Variants in DLGAP1 observed in about 807,000 individuals in gnomAD.
DLGAP1 encodes the protein disks large-associated protein 1.
In DLGAP1, 11 loss-of-function variants were observed where a neutral mutation model predicts 90.8. The ratio of observed to expected loss-of-function variants is 0.12; its 90% CI spans 0.08 to 0.20. The LOEUF is 0.20. Ranked by LOEUF, DLGAP1 falls within the 10% of genes least tolerant of loss-of-function variation. The pLI is 1.00. For synonymous variants in DLGAP1, 558 were observed against 540.7 expected (o/e 1.03, Z -0.44); for missense variants, 1,050 against 1,333.8 (o/e 0.79, Z 3.31).
intron 3 of DLGAP1, among the ~76,000 whole-genome samples, chr18:3,979,488 C>T (rs1599259798): frequency 1.3e-5 from 2 of 152,194 alleles, no homozygotes; most frequent in South Asian, 2.1e-4. Flanking sequence ...TATTAACTCA[C>T]GTGGATTTTT....
chr18:4,407,118 C>G (rs1222522968), intron 1 of DLGAP1, among the ~76,000 whole-genome samples: 3 of 152,020 alleles, frequency 2.0e-5, no homozygotes, highest in South Asian at 4.1e-4. Flanking sequence ...AGCCACAAAA[C>G]AATAACAGTT....
chr18:3,665,749 A>T (rs960710925), intron 7 of DLGAP1, among the ~76,000 whole-genome samples: 1 of 152,206 alleles, frequency 6.6e-6, no homozygotes, highest in Non-Finnish European at 1.5e-5. Flanking sequence ...TGGCAGGGCT[A>T]ATATGTCGAC....
intron 3 of DLGAP1, among the ~76,000 whole-genome samples, chr18:3,954,032 A>AAT: frequency 6.6e-6 from 1 of 152,370 alleles, no homozygotes; most frequent in Middle Eastern, 3.4e-3. Context: ...TGTTATAAGG[A>AAT]ATATTTCATC....
At chr18:4,015,266 A>C (rs1206785890) in intron 2 of DLGAP1, among the ~76,000 whole-genome samples, 1 of 152,164 alleles carries the variant, frequency 6.6e-6, no homozygotes, top group Non-Finnish European at 1.5e-5. Context: ...CATGATGAAA[A>C]ATAGGCTTCA....
At chr18:3,743,719 T>C (rs2063154613) in intron 5 of DLGAP1, among the ~76,000 whole-genome samples, 1 of 152,138 alleles carries the variant, frequency 6.6e-6, no homozygotes, top group African/African-American at 2.4e-5. Flanking sequence ...GGCATGATCT[T>C]GGCTCACTGC....
chr18:3,520,157 A>C (rs185091729), intron 10 of DLGAP1, among the ~76,000 whole-genome samples: 3 of 152,110 alleles, frequency 2.0e-5, no homozygotes, highest in Admixed American at 6.5e-5. Context: ...CCAATTCCCT[A>C]AACCTTTCTG....
chr18:4,447,260 AGAT>A (rs775697917), intron 1 of DLGAP1, among the ~76,000 whole-genome samples: 28,932 of 152,064 alleles, frequency 0.19, 2,920 homozygotes, highest in East Asian at 0.46. Flanking sequence ...CCATCAACAA[AGAT>A]TGATACCTTT....
At chr18:4,040,019 C>T (rs1046651652) in intron 2 of DLGAP1, among the ~76,000 whole-genome samples, 4 of 152,294 alleles carry the variant, frequency 2.6e-5, no homozygotes, top group African/African-American at 9.6e-5. Context: ...ATAGAACAGC[C>T]TTCTATTCAA....
At chr18:3,976,103 T>G (rs1464414507) in intron 3 of DLGAP1, among the ~76,000 whole-genome samples, 1 of 151,834 alleles carries the variant, frequency 6.6e-6, no homozygotes, top group African/African-American at 2.4e-5. Flanking sequence ...TCCCAGCACT[T>G]TGAGAGGCTG....
At chr18:4,386,348 A>T (rs2082230193) in intron 1 of DLGAP1, among the ~76,000 whole-genome samples, 1 of 152,192 alleles carries the variant, frequency 6.6e-6, no homozygotes, top group East Asian at 1.9e-4. Context: ...ACAAACAAAA[A>T]TCTGACTATC....
At chr18:3,795,791 T>G (rs2148274524) in intron 5 of DLGAP1, among the ~76,000 whole-genome samples, 1 of 152,244 alleles carries the variant, frequency 6.6e-6, no homozygotes, top group South Asian at 2.1e-4. Context: ...ACCTATTTTC[T>G]TAGGGTTCCA....
chr18:3,973,077 A>T (rs1344880593), intron 3 of DLGAP1, among the ~76,000 whole-genome samples: 1 of 152,174 alleles, frequency 6.6e-6, no homozygotes, highest in Non-Finnish European at 1.5e-5. Context: ...CTGTCCAAAG[A>T]AACTTAATTC....
At chr18:3,793,005 T>C (rs1193222094) in intron 5 of DLGAP1, among the ~76,000 whole-genome samples, 3 of 152,150 alleles carry the variant, frequency 2.0e-5, no homozygotes. Context: ...GTGGAGGCTT[T>C]TTCACTAGGA....
At position 4,188,249 on chromosome 18, in the gene DLGAP1, T is replaced by C. The variant is rs554885764; in HGVS notation, c.-266-36962A>G. Among the ~76,000 whole-genome samples, 34 of 152,298 alleles carry C rather than the reference T, an allele frequency of 2.2e-4. No individual in the cohort carries two copies. The East Asian group carries it at 5.2e-3, about 23-fold the overall frequency. ...TATTTATTTGATAATTCAGTCGTTCTAGAATCCACTCATTTATTCAATTTC... is the reference window on the plus strand; with the variant it reads ...TATTTATTTGATAATTCAGTCGTTCCAGAATCCACTCATTTATTCAATTTC... On this transcript the variant is annotated intron_variant, in intron 1 of 12. Coordinates refer to ENST00000315677, the MANE Select transcript of DLGAP1 (RefSeq NM_004746.4).
chr18:4,248,476 A>G (rs2078701565), intron 1 of DLGAP1: 1 of 152,162 alleles, frequency 6.6e-6, no homozygotes, highest in South Asian at 2.1e-4. Flanking sequence ...CTAACTGCCT[A>G]ACTGCCTGTT....
At chr18:4,158,861 A>G (rs2076799750) in intron 1 of DLGAP1, among the ~76,000 whole-genome samples, 1 of 152,212 alleles carries the variant, frequency 6.6e-6, no homozygotes. Flanking sequence ...CTTTAGAGGG[A>G]TATTAAGGTA....
intron 1 of DLGAP1, chr18:4,430,494 T>TTGTGTGTGTGTGTGTGTGTGTG (rs1225686125): frequency 1.4e-5 from 1 of 73,234 alleles, no homozygotes; most frequent in Non-Finnish European, 3.1e-5. Context: ...GTAAATAGTC[T>TTGTGTGTGTGTGTGTGTGTGTG]TGTGTGTCTG....
At chr18:3,550,620 A>G (rs2053336167) in intron 9 of DLGAP1, among the ~76,000 whole-genome samples, 1 of 152,046 alleles carries the variant, frequency 6.6e-6, no homozygotes, top group Non-Finnish European at 1.5e-5. Context: ...GGACACAGAC[A>G]CACACAGAGG....
intron 1 of DLGAP1, among the ~76,000 whole-genome samples, chr18:4,283,086 C>T (rs647230): frequency 0.68 from 103,795 of 152,052 alleles, 37,060 homozygotes; most frequent in East Asian, 0.82. Context: ...TATTAGTCTA[C>T]TGTGTGCATG....
Sources: allele counts gnomAD v4.1 joint callset (sites outside exome capture counted in the v4.1 genomes callset), GRCh38; gene constraint gnomAD v4.1.1; transcripts MANE v1.5; gene names NCBI Gene and HGNC (gene_info 2026-07-23, HGNC 2026-07-21).